The following ZNF280D variants were observed in gnomAD, a reference collection of about 807,000 sequenced individuals.
ZNF280D encodes the protein zinc finger protein 280D, also known as suppressor of hairy wing homolog 4.
In ZNF280D, 39 loss-of-function variants were observed where a neutral mutation model predicts 94.7. The ratio of observed to expected loss-of-function variants is 0.41; its 90% CI spans 0.32 to 0.54. The LOEUF (loss-of-function observed/expected upper bound fraction) is 0.54, where lower values mean the gene tolerates loss of function less well. Among genes scored for constraint, ZNF280D ranks in the 20% least tolerant of loss-of-function variants. The pLI, the probability that ZNF280D is intolerant of heterozygous loss-of-function variation, is 0.22. For synonymous variants in ZNF280D, 398 were observed against 377.6 expected (o/e 1.05, Z -0.63); for missense variants, 1,090 against 1,149.3 (o/e 0.95, Z 0.75).
chr15:56,653,504 G>A (rs768467818), intron 19 of ZNF280D: 122 of 1,517,756 alleles, frequency 8.0e-5, no homozygotes, highest in Non-Finnish European at 1.0e-4. Context: ...CACATTCCTT[G>A]GAAAGAGAGA....
intron 6 of ZNF280D, among the ~76,000 whole-genome samples, chr15:56,693,881 CTT>C (rs1261302935): frequency 2.6e-5 from 4 of 152,146 alleles, no homozygotes; most frequent in Non-Finnish European, 4.4e-5. Flanking sequence ...GCCCCACACA[CTT>C]TCCATCATCC....
intron 11 of ZNF280D, 43 bp downstream of exon 11, chr15:56,678,621 C>T (rs756969202): frequency 1.8e-5 from 25 of 1,407,298 alleles, no homozygotes; most frequent in African/African-American, 2.9e-5. Context: ...TTTATATTAG[C>T]GAAATCAATA....
At chr15:56,685,713 T>C (rs1175294982) in intron 9 of ZNF280D, among the ~76,000 whole-genome samples, 6 of 152,288 alleles carry the variant, frequency 3.9e-5, no homozygotes, top group Middle Eastern at 3.4e-3. Context: ...AGTGGAGTTA[T>C]ACATTAAAAT....
intron 6 of ZNF280D, 60 bp downstream of exon 6, chr15:56,700,873 T>C (rs1381062446): frequency 6.2e-7 from 1 of 1,613,148 alleles, no homozygotes; most frequent in Admixed American, 1.7e-5. Context: ...GTACTGTTGA[T>C]ATTGATAAAC....
chr15:56,654,606 C>CT, intron 17 of ZNF280D, 103 bp from the exon 18 acceptor site: 1 of 973,510 alleles, frequency 1.0e-6, no homozygotes, highest in Non-Finnish European at 1.5e-6. Context: ...CCATACATAA[C>CT]TATAACTTCC....
chr15:56,637,650 G>A (rs1412589411), intron 20 of ZNF280D, among the ~76,000 whole-genome samples: 1 of 152,054 alleles, frequency 6.6e-6, no homozygotes, highest in East Asian at 1.9e-4. Context: ...TCCAAAGTAT[G>A]ACATATGGAC....
chr15:56,722,436 A>T (rs78519596), intron 1 of ZNF280D, among the ~76,000 whole-genome samples: 11,154 of 152,282 alleles, frequency 0.073, 573 homozygotes, highest in Non-Finnish European at 0.11. Flanking sequence ...CTATATTTCC[A>T]AAACTGACCA....
chr15:56,667,857 G>C (rs1209477371), intron 14 of ZNF280D: 8 of 173,266 alleles, frequency 4.6e-5, no homozygotes, highest in African/African-American at 1.9e-4. Context: ...AGTGGATTGT[G>C]GTATGAATTA....
Position 56,678,813 on chromosome 15 carries a change from T to C in ZNF280D, c.1013A>G (p.Asn338Ser), listed in dbSNP as rs1201936003. Residue 338 changes from asparagine (N) to serine (S), a missense_variant, in exon 11 of 22, where the codon AAC becomes AGC. Asn to Ser is a conservative substitution (Grantham distance 46, BLOSUM62 1). Transcript: ENST00000267807. Reference sequence around the variant, plus strand: ...AAGTTCCAAATGGTGTTTCATGTGGTTCATAAACCTATAAATGGTTGTCAA... The same window carrying C: ...AAGTTCCAAATGGTGTTTCATGTGGCTCATAAACCTATAAATGGTTGTCAA... Reference protein sequence around the residue: ...KILKNNIRFMNHMKHHLELEK... With the variant: ...KILKNNIRFMSHMKHHLELEK... 3 of 1,596,346 alleles carry C rather than the reference T, an allele frequency of 1.9e-6. No homozygotes were observed. Among genetic ancestry groups the C allele is most frequent in the Non-Finnish European group, 2.6e-6 (3 of 1,172,768 alleles).
At chr15:56,668,425 T>C (rs1406474279) in intron 14 of ZNF280D, among the ~76,000 whole-genome samples, 1 of 152,098 alleles carries the variant, frequency 6.6e-6, no homozygotes, top group Admixed American at 6.6e-5. Context: ...TGAGAACTTA[T>C]GGAACTCAAG....
chr15:56,712,869 T>C (rs1365859163), intron 1 of ZNF280D, among the ~76,000 whole-genome samples: 1 of 151,268 alleles, frequency 6.6e-6, no homozygotes, highest in Admixed American at 6.6e-5. Flanking sequence ...GCCTCCCGAG[T>C]AGCTGGGATT....
At chr15:56,688,018 T>C (rs147612704) in intron 9 of ZNF280D, among the ~76,000 whole-genome samples, 1 of 152,256 alleles carries the variant, frequency 6.6e-6, no homozygotes, top group East Asian at 1.9e-4. Flanking sequence ...TTATATAATC[T>C]ACACTGCCTT....
At position 56,695,433 on chromosome 15, in the gene ZNF280D, T is replaced by C. The variant is rs574583068; in HGVS notation, c.382-2218A>G. ...AGAATTTATGGTAATGAAATAAAAA[T>C]GTTTAAGGGAAAATTAGTTATAACA... is the stretch of plus-strand genomic sequence containing the variant. On this transcript the variant is annotated intron_variant, in intron 6 of 21. Coordinates refer to ENST00000267807, the MANE Select transcript of ZNF280D (RefSeq NM_017661.4). 4.6e-5 allele frequency among the ~76,000 whole-genome samples: 7 copies of C among 152,284 alleles called. No individual in the cohort carries two copies. The South Asian group carries it at 8.3e-4, about 18-fold the overall frequency.
chr15:56,651,236 A>T lies in ZNF280D; in HGVS notation c.2213+2962T>A, dbSNP rs1227028796. Among the ~76,000 whole-genome samples the T allele has an allele frequency of 5.9e-5, 9 of 152,264 alleles. No individual in the cohort carries two copies. In the East Asian group the frequency reaches 1.7e-3, roughly 29 times the overall value. On this transcript the variant is annotated intron_variant, in intron 19 of 21. Transcript: ENST00000267807. ...TCTGAGCCTCTGTAGTTTAATAATT[A>T]TTTTTCTAAGAATGATGATGGACTC... is the stretch of plus-strand genomic sequence containing the variant.
chr15:56,696,156 T>A (rs1158525506), intron 6 of ZNF280D, among the ~76,000 whole-genome samples: 1 of 152,194 alleles, frequency 6.6e-6, no homozygotes, highest in Non-Finnish European at 1.5e-5. Flanking sequence ...CCTCAACATG[T>A]AGTATTTTCT....
chr15:56,712,560 C>T (rs1391925456), intron 1 of ZNF280D, among the ~76,000 whole-genome samples: 1 of 123,062 alleles, frequency 8.1e-6, no homozygotes, highest in Non-Finnish European at 1.6e-5. Flanking sequence ...GGCCACTGCA[C>T]TCCAGCCTGG....
chr15:56,701,361 A>G (rs1468845368), intron 4 of ZNF280D, 123 bp from the exon 5 acceptor site: 1 of 625,158 alleles, frequency 1.6e-6, no homozygotes, highest in Non-Finnish European at 2.6e-6. Context: ...CTAATCACTG[A>G]TTTAAGAATA....
intron 11 of ZNF280D, among the ~76,000 whole-genome samples, chr15:56,678,254 C>T (rs1329314920): frequency 1.3e-5 from 2 of 152,250 alleles, no homozygotes; most frequent in Admixed American, 6.5e-5. Flanking sequence ...GTGATCTGCC[C>T]ACATTGGCCT....
intron 1 of ZNF280D, among the ~76,000 whole-genome samples, chr15:56,723,193 C>G (rs2058462663): frequency 2.0e-5 from 3 of 151,396 alleles, no homozygotes; most frequent in Admixed American, 6.6e-5. Context: ...CTAACCTGCA[C>G]AATGTGCACA....
Sources: gnomAD v4.1 joint callset for allele counts (sites outside exome capture counted in the v4.1 genomes callset) on GRCh38, gnomAD v4.1.1 for gene constraint, MANE v1.5 for transcripts, NCBI Gene and HGNC (gene_info 2026-07-23, HGNC 2026-07-21) for gene names.